TMEM91: variants seen among roughly 807,000 people sequenced by gnomAD.
The protein encoded by TMEM91 is transmembrane protein 91.
In TMEM91, 6 loss-of-function variants were observed where a neutral mutation model predicts 13.3. That is an observed-to-expected ratio of 0.45 (90% CI 0.25 to 0.89). TMEM91 has a LOEUF of 0.89. Among genes scored for constraint, TMEM91 ranks in the 40% least tolerant of loss-of-function variants. The pLI is 0.19. For synonymous variants in TMEM91, 87 were observed against 101.7 expected (o/e 0.86, Z 0.87); for missense variants, 193 against 228.7 (o/e 0.84, Z 1.01).
rs1209428360 is a variant in TMEM91, at chr19:41,383,700, C to T, written c.361-15C>T. On this transcript the variant is annotated splice_polypyrimidine_tract_variant and intron_variant, in intron 3 of 3. Transcript: ENST00000392002. ...GAGGGGATGCCTGGGTCACTGCTGC[C>T]CACTGCCTCTACAGACCAACAAGGC... The T allele has an allele frequency of 6.2e-7, 1 of 1,613,278 alleles. No individual in the cohort carries two copies. The highest frequency in any genetic ancestry group is 8.5e-7 in the Non-Finnish European group (1 of 1,179,616).
chr19:41,378,636 T>C (rs886755639), intron 2 of TMEM91, 117 bp downstream of exon 2: 1 of 1,003,766 alleles, frequency 1.0e-6, no homozygotes, highest in African/African-American at 1.6e-5. Context: ...GGAGTCTCAC[T>C]TCCCAGCTGT....
chr19:41,365,409 G>A (rs563669183), intron 1 of TMEM91, among the ~76,000 whole-genome samples: 1 of 152,090 alleles, frequency 6.6e-6, no homozygotes, highest in South Asian at 2.1e-4. Context: ...TATAATTTTG[G>A]TTTTTTACTT....
rs376075259 is a variant in TMEM91 at position 41,368,258 on chromosome 19, TA to T, written c.-30+4173del. ...AGACCCTCATTTCTACGAAAACGTT[TA>T]AAAAAAAAATAGCAGGGCATGGTGA... On this transcript the variant is annotated intron_variant, in intron 1 of 3. Transcript: ENST00000413014. Among the ~76,000 whole-genome samples, 1,189 of 149,002 alleles carry T rather than the reference TA, an allele frequency of 8.0e-3. 18 individuals carry two copies. The highest frequency in any genetic ancestry group is 0.028 in the African/African-American group (1,136 of 40,724).
upstream of TMEM91, among the ~76,000 whole-genome samples, chr19:41,374,675 C>T (rs2038677420): frequency 6.6e-6 from 1 of 152,048 alleles, no homozygotes; most frequent in Non-Finnish European, 1.5e-5. Context: ...AGGCCACACA[C>T]TCAGTGACTT....
intron 1 of TMEM91, among the ~76,000 whole-genome samples, 173 bp from the exon 2 acceptor site, chr19:41,378,108 A>G (rs951215670): frequency 6.6e-6 from 1 of 151,328 alleles, no homozygotes; most frequent in Non-Finnish European, 1.5e-5. Flanking sequence ...AGTTCTCTTC[A>G]TAACCTGAGG....
At chr19:41,364,886 A>G (rs2038488468) in intron 1 of TMEM91, among the ~76,000 whole-genome samples, 1 of 151,240 alleles carries the variant, frequency 6.6e-6, no homozygotes, top group South Asian at 2.1e-4. Flanking sequence ...GGTCCCATCA[A>G]GGCTCCTTAA....
chr19:41,382,950 A>C, intron 3 of TMEM91, 29 bp downstream of exon 3: 1 of 1,213,054 alleles, frequency 8.2e-7, no homozygotes. Context: ...CTTGGAGGGG[A>C]CTGGGCATAA....
chr19:41,374,982 T>TCAAA (rs371741767), upstream of TMEM91, among the ~76,000 whole-genome samples: 4 of 151,808 alleles, frequency 2.6e-5, no homozygotes, highest in African/African-American at 9.7e-5. Flanking sequence ...AAACTCCATC[T>TCAAA]CAAACAAACA....
chr19:41,382,448 AC>A (rs1386671609), intron 2 of TMEM91, among the ~76,000 whole-genome samples: 1 of 151,840 alleles, frequency 6.6e-6, no homozygotes, highest in East Asian at 2.0e-4. Flanking sequence ...ACATGGTGAA[AC>A]CCCATCTCTA....
At chr19:41,378,598 GA>G (rs2038788296) in intron 2 of TMEM91, 79 bp downstream of exon 2, 2 of 1,483,026 alleles carry the variant, frequency 1.3e-6, no homozygotes, top group Non-Finnish European at 1.9e-6. Context: ...CTGGCAGGTT[GA>G]CAGCTGTGCC....
At chr19:41,380,803 A>G (rs2038860992) in intron 2 of TMEM91, among the ~76,000 whole-genome samples, 1 of 150,936 alleles carries the variant, frequency 6.6e-6, no homozygotes, top group African/African-American at 2.4e-5. Context: ...AATCCCAGCT[A>G]TTCGGGAGGC....
intron 1 of TMEM91, among the ~76,000 whole-genome samples, chr19:41,367,840 G>A (rs2038553011): frequency 6.6e-6 from 1 of 152,052 alleles, no homozygotes; most frequent in Admixed American, 6.6e-5. Context: ...TCACTCTGTT[G>A]CCCAGGCTTG....
At position 41,378,471 on chromosome 19, in the gene TMEM91, T is replaced by C; in HGVS notation, c.162T>C (p.Leu54=). The stretch of plus-strand genomic sequence containing the variant: ...GTTTGCAGTTCCTGTCACCGCCTCT[T>C]CCCTCCGTGAGCGCTGGCCTGGGGG... The part of the protein sequence containing the change: ...LRGLQFLSPP[L]PSVSAGLGEP... Residue 54 remains leucine, a synonymous_variant, in exon 2 of 4, where the codon CTT becomes CTC. Coordinates refer to ENST00000392002, the MANE Select transcript of TMEM91 (RefSeq NM_001098821.2). 1 of 1,614,086 alleles carries C rather than the reference T, an allele frequency of 6.2e-7. No individual in the cohort carries two copies.
At chr19:41,370,753 G>A (rs2038603328) in intron 1 of TMEM91, among the ~76,000 whole-genome samples, 1 of 151,434 alleles carries the variant, frequency 6.6e-6, no homozygotes, top group Non-Finnish European at 1.5e-5. Flanking sequence ...CCTAGGCTGT[G>A]GTGTAGCAAC....
intron 3 of TMEM91, 144 bp downstream of exon 3, chr19:41,383,065 C>A (rs146423571): frequency 3.2e-6 from 4 of 1,259,882 alleles, no homozygotes; most frequent in Non-Finnish European, 4.4e-6. Flanking sequence ...CCACTCTCTG[C>A]AAGATTTTTT....
At chr19:41,369,585 A>T (rs8106870) in intron 1 of TMEM91, among the ~76,000 whole-genome samples, 10,229 of 151,364 alleles carry the variant, frequency 0.068, 382 homozygotes, top group African/African-American at 0.08. Flanking sequence ...CAGGCAGATC[A>T]CTTGAGGTCA....
In TMEM91 at chr19:41,383,932, A is replaced by G. The variant is rs2038956523; in HGVS notation, c.*59A>G. The G allele has an allele frequency of 6.4e-7, 1 of 1,571,926 alleles. No homozygotes were observed. The highest frequency in any genetic ancestry group is 8.6e-7 in the Non-Finnish European group (1 of 1,164,698). ...CCGGCAGCCCAGCAAATCTGTGGGC[A>G]GAGAGTGGAGAATCTTGGTGGATGA... On this transcript the variant is annotated 3_prime_UTR_variant, in exon 4 of 4. Transcript: ENST00000392002.
At chr19:41,371,032 C>T (rs183594021) in intron 1 of TMEM91, among the ~76,000 whole-genome samples, 3 of 150,052 alleles carry the variant, frequency 2.0e-5, no homozygotes, top group Admixed American at 6.7e-5. Flanking sequence ...GACAGGGTCT[C>T]GCTCTGTCAC....
intron 2 of TMEM91, among the ~76,000 whole-genome samples, chr19:41,381,403 C>T (rs777073161): frequency 3.4e-5 from 5 of 147,858 alleles, no homozygotes; most frequent in Non-Finnish European, 5.9e-5. Flanking sequence ...CTCTGTCGCC[C>T]AGGCTGGAGG....
Sources: allele counts gnomAD v4.1 joint callset (sites outside exome capture counted in the v4.1 genomes callset), GRCh38; gene constraint gnomAD v4.1.1; transcripts MANE v1.5; gene names NCBI Gene and HGNC (gene_info 2026-07-23, HGNC 2026-07-21).